The following GCN1 variants were observed in gnomAD, a reference collection of about 807,000 sequenced individuals.
GCN1 encodes the protein stalled ribosome sensor GCN1.
Under a neutral mutation model 288.4 loss-of-function variants are expected in GCN1, and 90 were observed. That is an observed-to-expected ratio of 0.31 (90% CI 0.26 to 0.37). GCN1 has a LOEUF of 0.37. Among genes scored for constraint, GCN1 ranks in the 10% least tolerant of loss-of-function variants. GCN1 has a pLI of 1.00. For missense variants in GCN1, 2,586 were observed against 3,419.9 expected (o/e 0.76, Z 6.08); for synonymous variants, 1,386 against 1,420.2 (o/e 0.98, Z 0.54).
rs1185498597 is a variant in GCN1, at chr12:120,153,905, C to T, written c.3706G>A (p.Gly1236Ser). 5 of 1,613,358 alleles carry T rather than the reference C, an allele frequency of 3.1e-6. No homozygotes were observed. Among genetic ancestry groups the T allele is most frequent in the African/African-American group, 1.3e-5 (1 of 74,924 alleles). ...AGCTTGTTGAGGGCCAACGCCAAGC[C>T]ACACCTGGGAAAGAAGTGGGAGCAC... ...SPPDQWEARC[G>S]LALALNKLSQ... is the part of the protein sequence containing the mutation. The change falls in exon 32 of 58, where the codon GGC becomes AGC. Residue 1236 changes from glycine (G) to serine (S), a missense_variant. Physicochemically the swap from Gly to Ser is moderately conservative, Grantham distance 56. This residue lies in a region of GCN1 where 332 missense variants were observed against 403.0 expected (regional missense o/e 0.82). Transcript: ENST00000300648. This position sits in a 1 kb window ranked among gnomAD's most constrained non-coding sequence, Gnocchi z 4.4.
At position 120,161,576 on chromosome 12, in the gene GCN1, G is replaced by C; in HGVS notation, c.2350C>G (p.Gln784Glu). The C allele has an allele frequency of 6.2e-7, 1 of 1,612,050 alleles. No individual in the cohort carries two copies. Among genetic ancestry groups the C allele is most frequent in the Non-Finnish European group, 8.5e-7 (1 of 1,178,200 alleles). Residue 784 changes from glutamine (Q) to glutamate (E), a missense_variant, in exon 22 of 58, where the codon CAG becomes GAG. By Grantham distance (29) the Gln-to-Glu change is conservative. Around this residue, in one of 8 missense-constraint regions of GCN1, gnomAD observed 913 missense variants for 1,107.0 expected, o/e 0.82. Transcript: ENST00000300648. The part of the protein sequence containing the change: ...YDKSIIQSAQ[Q>E]DSIKKANMKR... ...ATGTTGGCCTTTTTTATGCTGTCCTGCTGGGCACTGAAACACCAGAGTGGG... is the reference window on the plus strand; with the variant it reads ...ATGTTGGCCTTTTTTATGCTGTCCTCCTGGGCACTGAAACACCAGAGTGGG...
At chr12:120,179,015 T>G (rs115260960) in intron 5 of GCN1, 65 bp from the exon 6 acceptor site, 15 of 1,359,824 alleles carry the variant, frequency 1.1e-5, no homozygotes, top group Admixed American at 1.9e-5. Flanking sequence ...ATGGCTCTCA[T>G]AGCCTGTAAA....
chr12:120,161,656 C>A (rs934208702), intron 21 of GCN1, 73 bp from the exon 22 acceptor site: 19 of 1,130,518 alleles, frequency 1.7e-5, no homozygotes, highest in Non-Finnish European at 2.4e-5. Flanking sequence ...GCCAGCCATG[C>A]AATTCCAACT....
At position 120,153,364 on chromosome 12, in the gene GCN1, T is replaced by C. The variant is rs778437560; in HGVS notation, c.3911A>G (p.Lys1304Arg). The C allele has an allele frequency of 1.9e-6, 3 of 1,614,234 alleles. No individual in the cohort carries two copies. The highest frequency in any genetic ancestry group is 2.5e-6 in the Non-Finnish European group (3 of 1,180,036). The change falls in exon 33 of 58, where the codon AAG (lysine) becomes AGG (arginine). Residue 1304 changes from lysine to arginine, a missense_variant. Physicochemically the swap from Lys to Arg is conservative, Grantham distance 26 (BLOSUM62 2). Coordinates refer to ENST00000300648, the MANE Select transcript of GCN1 (RefSeq NM_006836.2). This position sits in a 1 kb window ranked among gnomAD's most constrained non-coding sequence, Gnocchi z 4.4. ...SLLPVFEEFL[K>R]NAPNDASYDA... ...ATAGCTGGCATCATTGGGCGCGTTC[T>C]TCAGGAACTCCTCGAATACTGGCAA...
In GCN1 at chr12:120,142,474, C is replaced by T; in HGVS notation, c.5829+33G>A. Reference sequence around the variant, plus strand: ...TAGGCTCTGAAAGGAGGCACTGGGGCTGCTGGTCCAAAACAAGGCCCAGGA... The same window carrying T: ...TAGGCTCTGAAAGGAGGCACTGGGGTTGCTGGTCCAAAACAAGGCCCAGGA... On this transcript the variant is annotated intron_variant, in intron 44 of 57. Coordinates refer to ENST00000300648, the MANE Select transcript of GCN1 (RefSeq NM_006836.2). The surrounding 1 kb of genome is among the most constrained non-coding windows in gnomAD (Gnocchi z 4.9). The T allele has an allele frequency of 1.3e-6, 2 of 1,539,080 alleles. No homozygotes were observed. The highest frequency in any genetic ancestry group is 1.8e-6 in the Non-Finnish European group (2 of 1,112,546).
At chr12:120,185,931 T>C (rs11065038) in intron 2 of GCN1, among the ~76,000 whole-genome samples, 3,464 of 152,136 alleles carry the variant, frequency 0.023, 160 homozygotes, top group African/African-American at 0.08. Context: ...AACCAAGTAA[T>C]GGGAAACCAA....
intron 11 of GCN1, 112 bp from the exon 12 acceptor site, chr12:120,175,324 G>T: frequency 2.0e-6 from 2 of 1,012,254 alleles, no homozygotes; most frequent in Non-Finnish European, 3.1e-6. Flanking sequence ...TCCAGAAGTA[G>T]CCTTTGTGTT....
At position 120,151,260 on chromosome 12, in the gene GCN1, G is replaced by C. The variant is rs2286045; in HGVS notation, c.4194C>G (p.Ala1398=). The C allele has an allele frequency of 0.19, 300,787 of 1,613,968 alleles. 39,096 individuals carry two copies. Among genetic ancestry groups the C allele is most frequent in the African/African-American group, 0.59 (44,583 of 74,988 alleles). Residue 1398 remains alanine (A), a synonymous_variant, in exon 34 of 58, where the codon GCC becomes GCG. Transcript: ENST00000300648. ...CCTTCACCAGGCCCGCCAGGCCATAGGCGGCCCCTTTGCGCTCTGCGTACT... is the reference window on the plus strand; with the variant it reads ...CCTTCACCAGGCCCGCCAGGCCATACGCGGCCCCTTTGCGCTCTGCGTACT... ...SDKYAERKGA[A]YGLAGLVKGL...
At position 120,144,016 on chromosome 12, in the gene GCN1, G is replaced by A. The variant is rs1358259450; in HGVS notation, c.5495+290C>T. Among the ~76,000 whole-genome samples, 2 of 152,040 alleles carry A rather than the reference G, an allele frequency of 1.3e-5. No homozygotes were observed. Among genetic ancestry groups the A allele is most frequent in the Non-Finnish European group, 2.9e-5 (2 of 68,024 alleles). On this transcript the variant is annotated intron_variant, in intron 42 of 57. Transcript: ENST00000300648. This position sits in a 1 kb window ranked among gnomAD's most constrained non-coding sequence, Gnocchi z 4.7. ...TCCTAAGACAGCGTCTTGCTCTGTT[G>A]CCCAGGTTGGAGTGCAGTGGCACAA...
At chr12:120,179,646 G>C (rs1017846763) in intron 5 of GCN1, among the ~76,000 whole-genome samples, 1 of 151,996 alleles carries the variant, frequency 6.6e-6, no homozygotes, top group Non-Finnish European at 1.5e-5. Context: ...TGATCCGCCC[G>C]CCTCGGCCTC....
At chr12:120,185,603 C>T (rs747064387) in intron 2 of GCN1, among the ~76,000 whole-genome samples, 8 of 152,132 alleles carry the variant, frequency 5.3e-5, no homozygotes, top group Admixed American at 1.3e-4. Flanking sequence ...TTAAGGCCCC[C>T]CCGCCTTTTA....
Position 120,160,176 on chromosome 12 carries a change from T to C in GCN1, c.2516A>G (p.Asp839Gly). Reference protein sequence around the residue: ...KQKEMLQAQLDREAQVRRRLQ... With the variant: ...KQKEMLQAQLGREAQVRRRLQ... ...CCGCCTCCGGACCTGCGCCTCCCTGTCTAGCTGGGCCTGCAGCATCTCCTT... is the reference window on the plus strand; with the variant it reads ...CCGCCTCCGGACCTGCGCCTCCCTGCCTAGCTGGGCCTGCAGCATCTCCTT... Residue 839 changes from aspartate to glycine, a missense_variant, in exon 23 of 58, where the codon GAC becomes GGC. Transcript: ENST00000300648. 6.2e-7 allele frequency: 1 copy of C among 1,612,372 alleles called. No individual in the cohort carries two copies. The highest frequency in any genetic ancestry group is 8.5e-7 in the Non-Finnish European group (1 of 1,179,898).
rs757134437 is a variant in GCN1, at chr12:120,130,741, C to T, written c.7576G>A (p.Val2526Met). 1 of 1,611,130 alleles carries T rather than the reference C, an allele frequency of 6.2e-7. No individual in the cohort carries two copies. Among genetic ancestry groups the T allele is most frequent in the Non-Finnish European group, 8.5e-7 (1 of 1,177,482 alleles). The change falls in exon 56 of 58, where the codon GTG (valine) becomes ATG (methionine). Residue 2526 changes from valine (V) to methionine (M), a missense_variant. Val to Met is a conservative substitution (Grantham distance 21, BLOSUM62 1). This residue lies in a region of GCN1 where 355 missense variants were observed against 431.1 expected (regional missense o/e 0.82). Transcript: ENST00000300648. ...SATADRIPIA[V>M]SGVRGMGFLM... ...AAGCCCATGCCCCGGACCCCGCTCA[C>T]CGCAATGGGGATCTGTGGAGAACAG...
intron 16 of GCN1, among the ~76,000 whole-genome samples, chr12:120,165,915 C>T (rs1408865816): frequency 6.6e-6 from 1 of 151,888 alleles, no homozygotes; most frequent in Non-Finnish European, 1.5e-5. Context: ...CCTCAGCCTC[C>T]CGAGTAGCTG....
In GCN1 at chr12:120,137,696, G is replaced by A. The variant is rs2139087105; in HGVS notation, c.6512C>T (p.Ala2171Val). The change falls in exon 49 of 58, where the codon GCT (alanine) becomes GTT (valine). Residue 2171 changes from alanine (A) to valine (V), a missense_variant. Ala to Val is a moderately conservative substitution (Grantham distance 64). Around this residue, in one of 8 missense-constraint regions of GCN1, gnomAD observed 437 missense variants for 570.5 expected, o/e 0.77. Transcript: ENST00000300648. This position sits in a 1 kb window ranked among gnomAD's most constrained non-coding sequence, Gnocchi z 5.2. ...RSPEVGMRQA[A>V]AIILNIYCSR... Reference sequence around the variant, plus strand: ...ACAGTAGATGTTGAGGATGATGGCAGCAGCTTGCCTCATGCCCACCTCAGG... The same window carrying A: ...ACAGTAGATGTTGAGGATGATGGCAACAGCTTGCCTCATGCCCACCTCAGG... 1 of 1,614,180 alleles carries A rather than the reference G, an allele frequency of 6.2e-7. No individual in the cohort carries two copies. Among genetic ancestry groups the A allele is most frequent in the Non-Finnish European group, 8.5e-7 (1 of 1,180,020 alleles).
Position 120,183,692 on chromosome 12 carries a change from TG to T in GCN1, c.318-16del. 1 of 1,505,674 alleles carries T rather than the reference TG, an allele frequency of 6.6e-7. No individual in the cohort carries two copies. The highest frequency in any genetic ancestry group is 9.2e-7 in the Non-Finnish European group (1 of 1,081,552). The allele number at this position is 1,505,674 out of a possible 1,614,324, so 93.3% of individuals were successfully genotyped here. A position where few individuals can be genotyped will look rare whatever the true frequency, so the allele number is the denominator to read the frequency against. On this transcript the variant is annotated splice_polypyrimidine_tract_variant and intron_variant, in intron 4 of 57. Coordinates refer to ENST00000300648, the MANE Select transcript of GCN1 (RefSeq NM_006836.2). Reference sequence around the variant, plus strand: ...CACTGCTCTTACTGCAGAGCAGAGTTGGGGATGAGTTCAGAGCAGCAGCCTC... The same window carrying T: ...CACTGCTCTTACTGCAGAGCAGAGTTGGGATGAGTTCAGAGCAGCAGCCTC...
At chr12:120,182,057 G>A (rs1351133192) in intron 5 of GCN1, among the ~76,000 whole-genome samples, 2 of 151,462 alleles carry the variant, frequency 1.3e-5, no homozygotes, top group African/African-American at 2.4e-5. Flanking sequence ...GCTGAGGGTT[G>A]AGAATTGCTT....
In GCN1 at chr12:120,156,394, A is replaced by T; in HGVS notation, c.3312+67T>A. ...GTGAGGGACATTCTCTCAAATGCCC[A>T]TCATGCAATTTGCACTTGCATAGAG... On this transcript the variant is annotated intron_variant, in intron 28 of 57. Transcript: ENST00000300648. The surrounding 1 kb of genome is among the most constrained non-coding windows in gnomAD (Gnocchi z 5.8). 1 of 1,464,606 alleles carries T rather than the reference A, an allele frequency of 6.8e-7. No homozygotes were observed. Among genetic ancestry groups the T allele is most frequent in the Non-Finnish European group, 9.5e-7 (1 of 1,053,676 alleles). The allele number at this position is 1,464,606 out of a possible 1,614,324, so 90.7% of individuals were successfully genotyped here.
At chr12:120,152,520 C>CTTA (rs1877596810) in intron 33 of GCN1, among the ~76,000 whole-genome samples, 1 of 127,908 alleles carries the variant, frequency 7.8e-6, no homozygotes, top group Non-Finnish European at 1.6e-5. Flanking sequence ...TACATTAAAA[C>CTTA]GCACCTGTAG....
Sources: gnomAD v4.1 joint callset for allele counts (sites outside exome capture counted in the v4.1 genomes callset) on GRCh38, gnomAD v4.1.1 for gene constraint, gnomAD v4.1.1 regional missense constraint, Gnocchi (gnomAD v3.1) non-coding constraint, MANE v1.5 for transcripts, NCBI Gene and HGNC (gene_info 2026-07-23, HGNC 2026-07-21) for gene names.